Variants in FRMPD4 observed in about 807,000 individuals in gnomAD.
The protein encoded by FRMPD4 is FERM and PDZ domain containing 4, also known as FERM and PDZ domain-containing protein 4.
A neutral mutation model predicts 94.1 loss-of-function variants in FRMPD4; 22 were observed. The observed-to-expected ratio is 0.23, with a 90% CI of 0.17 to 0.33. The LOEUF (loss-of-function observed/expected upper bound fraction) is 0.33. FRMPD4 is among the 10% of genes least tolerant of loss of function. FRMPD4 has a pLI of 1.00. For synonymous variants in FRMPD4, 631 were observed against 548.6 expected, an observed-to-expected ratio of 1.15 and a Z score of -2.10; for missense variants, 1,111 against 1,339.9, an observed-to-expected ratio of 0.83 and a Z score of 2.67.
At chrX:12,127,082 C>T (rs2055506812) in intron 3 of FRMPD4, among the ~76,000 whole-genome samples, 1 of 111,921 alleles carries the variant, frequency 8.9e-6, no homozygotes, top group African/African-American at 3.3e-5. Context: ...AGTTTCTCTC[C>T]AACTCAGGGA....
chrX:11,834,264 C>G (rs187081149), intron 1 of FRMPD4, among the ~76,000 whole-genome samples: 1 of 111,851 alleles, frequency 8.9e-6, no homozygotes, highest in East Asian at 2.8e-4. Context: ...TTTCCAAGGA[C>G]CCAGTTCATT....
intron 3 of FRMPD4, among the ~76,000 whole-genome samples, chrX:11,945,041 C>T (rs1475831038): frequency 8.9e-6 from 1 of 112,091 alleles, no homozygotes; most frequent in Admixed American, 9.4e-5. Flanking sequence ...CAGGCCCCAC[C>T]CTAGACTATT....
intron 3 of FRMPD4, among the ~76,000 whole-genome samples, chrX:11,986,219 G>A (rs1274020432): frequency 8.9e-6 from 1 of 112,515 alleles, no homozygotes; most frequent in Non-Finnish European, 1.9e-5. Flanking sequence ...CATTTGTTTG[G>A]GAGAAAGTAA....
intron 1 of FRMPD4, among the ~76,000 whole-genome samples, chrX:12,303,258 T>C (rs986012641): frequency 6.2e-5 from 7 of 112,169 alleles, no homozygotes; most frequent in African/African-American, 2.3e-4. Context: ...GAATGTACTA[T>C]TTATATTAAA....
intron 1 of FRMPD4, among the ~76,000 whole-genome samples, chrX:12,217,250 GA>G (rs1569195117): frequency 9.0e-6 from 1 of 111,682 alleles, no homozygotes; most frequent in Non-Finnish European, 1.9e-5. Context: ...TTGTTTTAGG[GA>G]AGTAAGCTGC....
At chrX:12,059,713 G>A (rs1376009866) in intron 3 of FRMPD4, among the ~76,000 whole-genome samples, 1 of 110,348 alleles carries the variant, frequency 9.1e-6, no homozygotes, top group Non-Finnish European at 1.9e-5. Flanking sequence ...GCAACTTTTG[G>A]TTTTCTGTTC....
intron 3 of FRMPD4, among the ~76,000 whole-genome samples, chrX:12,027,109 A>G (rs1218838702): frequency 2.7e-5 from 3 of 112,211 alleles, no homozygotes; most frequent in African/African-American, 9.7e-5. Flanking sequence ...TAAAAAGATG[A>G]AATTGTTGTA....
chrX:12,542,581 A>G (rs946752758), intron 2 of FRMPD4, among the ~76,000 whole-genome samples: 1 of 112,197 alleles, frequency 8.9e-6, no homozygotes, highest in African/African-American at 3.2e-5. Flanking sequence ...GCTCAATGAA[A>G]TAAAAGAGGA....
chrX:11,848,936 A>G (rs1007397342), intron 1 of FRMPD4, among the ~76,000 whole-genome samples: 2 of 111,828 alleles, frequency 1.8e-5, no homozygotes, highest in Non-Finnish European at 3.8e-5. Context: ...TACTTAATAT[A>G]GTACTGGGAG....
At chrX:11,832,891 C>T (rs2053482737) in intron 1 of FRMPD4, among the ~76,000 whole-genome samples, 1 of 111,610 alleles carries the variant, frequency 9.0e-6, no homozygotes, top group African/African-American at 3.3e-5. Context: ...TGGTGTTGTA[C>T]ACTCCATGGG....
chrX:11,836,097 A>G (rs1271584976), intron 1 of FRMPD4, among the ~76,000 whole-genome samples: 1 of 111,125 alleles, frequency 9.0e-6, no homozygotes, highest in African/African-American at 3.3e-5. Context: ...GAGGGAGGGA[A>G]CATAGGAAAC....
chrX:12,163,573 C>T (rs1438635425), intron 1 of FRMPD4, among the ~76,000 whole-genome samples: 1 of 110,361 alleles, frequency 9.1e-6, no homozygotes, highest in Non-Finnish European at 1.9e-5. Context: ...AGGTGAACTG[C>T]AGCCATTAGG....
At chrX:12,437,669 A>G (rs867188479) in intron 1 of FRMPD4, among the ~76,000 whole-genome samples, 71 of 112,002 alleles carry the variant, frequency 6.3e-4, no homozygotes, top group African/African-American at 2.1e-3. Context: ...TACTGCTGTG[A>G]TAAGAAATCT....
chrX:12,522,450 T>C (rs1448263612), intron 2 of FRMPD4, among the ~76,000 whole-genome samples: 4 of 111,787 alleles, frequency 3.6e-5, no homozygotes, highest in African/African-American at 9.8e-5. Context: ...TTCACCTCTG[T>C]TGACACTAAT....
At chrX:12,580,983 C>A (rs1436822860) in intron 2 of FRMPD4, among the ~76,000 whole-genome samples, 3 of 112,232 alleles carry the variant, frequency 2.7e-5, no homozygotes, top group African/African-American at 9.7e-5. Context: ...CTGCAGTTGA[C>A]CACAGATAAC....
chrX:12,669,778 A>G (rs1317069964), intron 4 of FRMPD4, among the ~76,000 whole-genome samples: 1 of 112,177 alleles, frequency 8.9e-6, no homozygotes, highest in African/African-American at 3.2e-5. Context: ...CCATGAGCCA[A>G]GGAATACAGG....
intron 1 of FRMPD4, among the ~76,000 whole-genome samples, chrX:12,224,398 C>T (rs1272930936): frequency 4.5e-5 from 5 of 109,944 alleles, no homozygotes; most frequent in South Asian, 4.0e-4. Context: ...TATAATCGCA[C>T]GCCACCACAC....
intron 1 of FRMPD4, among the ~76,000 whole-genome samples, chrX:12,245,248 G>A (rs1361520935): frequency 5.4e-5 from 6 of 111,498 alleles, no homozygotes; most frequent in Non-Finnish European, 7.5e-5. Context: ...CTTAATCTGG[G>A]CTTTCCTTTT....
chrX:12,121,814 T>C (rs186869071), intron 3 of FRMPD4, among the ~76,000 whole-genome samples: 16 of 111,746 alleles, frequency 1.4e-4, no homozygotes, highest in African/African-American at 5.2e-4. Flanking sequence ...CCATGGCATC[T>C]TAGGCTGCAG....
Sources: allele counts gnomAD v4.1 joint callset (sites outside exome capture counted in the v4.1 genomes callset), GRCh38; gene constraint gnomAD v4.1.1; transcripts MANE v1.5; gene names NCBI Gene and HGNC (gene_info 2026-07-23, HGNC 2026-07-21).